SLC44A5: variants seen among roughly 807,000 people sequenced by gnomAD.
The protein encoded by SLC44A5 is solute carrier family 44 member 5.
SLC44A5 carries 57 observed loss-of-function variants against 101.8 expected under a neutral mutation model. That is an observed-to-expected ratio of 0.56 (90% confidence interval 0.45 to 0.70). The LOEUF (loss-of-function observed/expected upper bound fraction) is 0.70, where lower values mean the gene tolerates loss of function less well. Ranked by LOEUF, SLC44A5 falls within the 30% of genes least tolerant of loss-of-function variation. The probability of loss-of-function intolerance (pLI) is 0.00; values close to 1 mark genes in which losing one functional copy is unlikely to be tolerated. For synonymous variants in SLC44A5, 281 were observed against 290.9 expected (o/e 0.97, Z 0.35); for missense variants, 737 against 853.1 (o/e 0.86, Z 1.70).
intron 2 of SLC44A5, among the ~76,000 whole-genome samples, chr1:75,445,553 G>GTATAAATTATATATATAATTTA (rs2101642338): frequency 6.8e-6 from 1 of 147,568 alleles, no homozygotes; most frequent in East Asian, 2.0e-4. Flanking sequence ...ACATATATAT[G>GTATAAATTATATATATAATTTA]TATAAATTAT....
chr1:75,309,138 T>A (rs1007618708), intron 4 of SLC44A5, among the ~76,000 whole-genome samples: 2 of 152,176 alleles, frequency 1.3e-5, no homozygotes, highest in Admixed American at 6.5e-5. Flanking sequence ...TAGAACAATA[T>A]TTAATTATAT....
chr1:75,505,891 C>T (rs1464889239), intron 2 of SLC44A5, among the ~76,000 whole-genome samples: 3 of 151,956 alleles, frequency 2.0e-5, no homozygotes, highest in African/African-American at 7.2e-5. Flanking sequence ...ATTGAAATTA[C>T]TTTTGAGGAA....
intron 2 of SLC44A5, among the ~76,000 whole-genome samples, chr1:75,507,701 GT>G (rs1264624615): frequency 6.6e-6 from 1 of 152,062 alleles, no homozygotes; most frequent in Non-Finnish European, 1.5e-5. Context: ...GAGTTGGTAG[GT>G]TTTTTATGAC....
chr1:75,416,235 G>A (rs1016497248), intron 2 of SLC44A5, among the ~76,000 whole-genome samples: 2 of 152,150 alleles, frequency 1.3e-5, no homozygotes, highest in African/African-American at 2.4e-5. Flanking sequence ...TTGTTGCTCT[G>A]TGTCCCAGCT....
At chr1:75,454,760 A>G (rs1051274720) in intron 2 of SLC44A5, among the ~76,000 whole-genome samples, 1 of 152,102 alleles carries the variant, frequency 6.6e-6, no homozygotes, top group African/African-American at 2.4e-5. Flanking sequence ...TCAAGCTGAG[A>G]GCCAAATCAG....
intron 2 of SLC44A5, among the ~76,000 whole-genome samples, chr1:75,501,373 A>G (rs1557851664): frequency 6.6e-6 from 1 of 152,188 alleles, no homozygotes; most frequent in Non-Finnish European, 1.5e-5. Flanking sequence ...AAAGACAGTG[A>G]CAAAATAGAT....
the SLC44A5 span, among the ~76,000 whole-genome samples, chr1:75,677,551 C>G: frequency 6.6e-6 from 1 of 151,498 alleles, no homozygotes; most frequent in African/African-American, 2.4e-5. Flanking sequence ...AAAAGGAAGA[C>G]AGAAAGGAAA....
chr1:75,608,351 G>T (rs1328440930), intron 1 of SLC44A5, among the ~76,000 whole-genome samples: 1 of 151,610 alleles, frequency 6.6e-6, no homozygotes, highest in Non-Finnish European at 1.5e-5. Context: ...GTGTGTGTGT[G>T]TTGTGTGTGT....
the SLC44A5 span, among the ~76,000 whole-genome samples, chr1:75,672,853 C>A: frequency 2.0e-5 from 3 of 152,184 alleles, no homozygotes; most frequent in Middle Eastern, 3.4e-3. Flanking sequence ...TGCCCTGGGC[C>A]AGAAGGAAAC....
At chr1:75,485,077 T>C (rs1668081497) in intron 2 of SLC44A5, among the ~76,000 whole-genome samples, 3 of 152,272 alleles carry the variant, frequency 2.0e-5, no homozygotes. Flanking sequence ...TTCCCCATTG[T>C]CTTGGCTATT....
chr1:75,697,910 G>A, the SLC44A5 span, among the ~76,000 whole-genome samples: 5 of 152,184 alleles, frequency 3.3e-5, no homozygotes, highest in East Asian at 1.9e-4. Flanking sequence ...CTGGAAAATC[G>A]GGTCACTCCC....
Position 75,215,862 on chromosome 1 carries a change from G to A in SLC44A5, c.1625-5C>T. ...TAGACAATGTGTTCTGGGTACCTAT[G>A]AGAAGGAGATATTTAAATCTATTAA... On this transcript the variant is annotated splice_region_variant and splice_polypyrimidine_tract_variant and intron_variant, in intron 18 of 23. Coordinates refer to ENST00000370859, the MANE Select transcript of SLC44A5 (RefSeq NM_001130058.2). 2 of 1,450,862 alleles carry A rather than the reference G, an allele frequency of 1.4e-6. No individual in the cohort carries two copies. Among genetic ancestry groups the A allele is most frequent in the South Asian group, 1.2e-5 (1 of 85,728 alleles). 89.9% of individuals were successfully genotyped at this position (1,450,862 alleles called of 1,614,324 possible). A position where few individuals can be genotyped will look rare whatever the true frequency, so the allele number is the denominator to read the frequency against.
At chr1:75,582,901 A>C (rs547639950) in intron 1 of SLC44A5, among the ~76,000 whole-genome samples, 1 of 152,340 alleles carries the variant, frequency 6.6e-6, no homozygotes, top group Admixed American at 6.5e-5. Context: ...AGCTGGACTC[A>C]GTAGCAATCA....
chr1:75,218,773 A>G, intron 16 of SLC44A5, 21 bp from the exon 17 acceptor site: 2 of 1,598,204 alleles, frequency 1.3e-6, no homozygotes, highest in Non-Finnish European at 1.7e-6. Flanking sequence ...AAAAAGGAAC[A>G]CAAGGACATA....
At chr1:75,523,479 A>ATT (rs143539892) in intron 2 of SLC44A5, among the ~76,000 whole-genome samples, 24 of 145,088 alleles carry the variant, frequency 1.7e-4, no homozygotes, top group Non-Finnish European at 2.7e-4. Flanking sequence ...CGCCCAGCTA[A>ATT]TTTTTTTTTT....
intron 4 of SLC44A5, among the ~76,000 whole-genome samples, chr1:75,328,028 G>C (rs1220394547): frequency 1.3e-5 from 2 of 152,202 alleles, no homozygotes; most frequent in African/African-American, 2.4e-5. Context: ...CCATCTCCAG[G>C]CTGGTTACAT....
intron 5 of SLC44A5, among the ~76,000 whole-genome samples, chr1:75,281,288 G>A (rs990117711): frequency 6.6e-6 from 1 of 152,090 alleles, no homozygotes; most frequent in Non-Finnish European, 1.5e-5. Context: ...CAAGGAGAAT[G>A]GCAGCATTTT....
At chr1:75,581,207 A>G (rs1378695533) in intron 1 of SLC44A5, among the ~76,000 whole-genome samples, 1 of 152,260 alleles carries the variant, frequency 6.6e-6, no homozygotes, top group Non-Finnish European at 1.5e-5. Context: ...AAGACCATTC[A>G]CATTAGTAGA....
intron 14 of SLC44A5, among the ~76,000 whole-genome samples, chr1:75,220,199 T>C (rs374886130): frequency 2.0e-5 from 3 of 152,242 alleles, no homozygotes; most frequent in African/African-American, 7.2e-5. Context: ...TTCTTAGACT[T>C]TTAAAATTGA....
Sources: allele counts gnomAD v4.1 joint callset (sites outside exome capture counted in the v4.1 genomes callset), GRCh38; gene constraint gnomAD v4.1.1; transcripts MANE v1.5; gene names NCBI Gene and HGNC (gene_info 2026-07-23, HGNC 2026-07-21).